The following PIK3C2G variants were observed in gnomAD, a reference collection of about 807,000 sequenced individuals.
PIK3C2G encodes phosphatidylinositol-4-phosphate 3-kinase catalytic subunit type 2 gamma, also known as phosphatidylinositol 3-kinase C2 domain-containing subunit gamma.
A neutral mutation model predicts 181.1 loss-of-function variants in PIK3C2G; 168 were observed. The ratio of observed to expected loss-of-function variants is 0.93; its 90% CI spans 0.82 to 1.05. The LOEUF (loss-of-function observed/expected upper bound fraction) is 1.05, where lower values mean the gene tolerates loss of function less well. Ranked by LOEUF, PIK3C2G falls within the 50% of genes least tolerant of loss-of-function variation. The probability of loss-of-function intolerance (pLI) is 0.00; values close to 1 mark genes in which losing one functional copy is unlikely to be tolerated. For synonymous variants in PIK3C2G, 573 were observed against 592.2 expected (o/e 0.97, Z 0.47); for missense variants, 1,869 against 1,732.8 (o/e 1.08, Z -1.40).
At chr12:18,380,598 A>G (rs1457040252) in intron 13 of PIK3C2G, among the ~76,000 whole-genome samples, 3 of 152,190 alleles carry the variant, frequency 2.0e-5, no homozygotes, top group Non-Finnish European at 4.4e-5. Flanking sequence ...TTGTTATACC[A>G]AGACAGATTT....
At chr12:18,396,209 A>T (rs944089453) in intron 15 of PIK3C2G, among the ~76,000 whole-genome samples, 2 of 151,618 alleles carry the variant, frequency 1.3e-5, no homozygotes, top group African/African-American at 2.4e-5. Flanking sequence ...CAATTAGATT[A>T]AACATTTTAT....
chr12:18,420,541 AT>A (rs1177005266), intron 16 of PIK3C2G, among the ~76,000 whole-genome samples: 3 of 152,164 alleles, frequency 2.0e-5, no homozygotes, highest in Non-Finnish European at 4.4e-5. Context: ...CTGGTTAAAA[AT>A]ATTAGATCAC....
Position 18,282,366 on chromosome 12 carries a change from A to G in PIK3C2G, c.285A>G (p.Glu95=). 6.2e-7 allele frequency: 1 copy of G among 1,613,584 alleles called. No individual in the cohort carries two copies. Among genetic ancestry groups the G allele is most frequent in the Non-Finnish European group, 8.5e-7 (1 of 1,179,690 alleles). The change falls in exon 2 of 33, where the codon GAA becomes GAG. Residue 95 remains glutamate (E), a synonymous_variant. Coordinates refer to ENST00000538779, the MANE Select transcript of PIK3C2G (RefSeq NM_001288772.2). ...SLNEFTSKSR[E]LSWHQVSKAP... ...ATGAATTCACTTCTAAAAGCCGTGA[A>G]CTCTCCTGGCATCAAGTTAGCAAAG...
intron 18 of PIK3C2G, among the ~76,000 whole-genome samples, chr12:18,473,962 T>G (rs989227364): frequency 2.0e-5 from 3 of 152,142 alleles, no homozygotes; most frequent in African/African-American, 7.2e-5. Flanking sequence ...AAAGTTTAAG[T>G]TTTTCATTGG....
chr12:18,631,554 A>C (rs1278147279), intron 31 of PIK3C2G, among the ~76,000 whole-genome samples: 2 of 152,198 alleles, frequency 1.3e-5, no homozygotes, highest in Non-Finnish European at 2.9e-5. Context: ...AAGCAGTCTT[A>C]TGGGAAGATT....
At chr12:18,374,613 C>T (rs148430203) in intron 13 of PIK3C2G, among the ~76,000 whole-genome samples, 10 of 152,250 alleles carry the variant, frequency 6.6e-5, no homozygotes, top group Non-Finnish European at 7.4e-5. Flanking sequence ...AGGTGCCATG[C>T]CTTACTCCAT....
At chr12:18,509,873 C>G (rs1165415744) in intron 24 of PIK3C2G, among the ~76,000 whole-genome samples, 3 of 152,154 alleles carry the variant, frequency 2.0e-5, no homozygotes, top group Admixed American at 1.3e-4. Flanking sequence ...CTTAATGATT[C>G]TGGGGAAAAT....
chr12:18,534,397 C>G (rs1172647547), intron 24 of PIK3C2G, among the ~76,000 whole-genome samples: 1 of 152,034 alleles, frequency 6.6e-6, no homozygotes, highest in East Asian at 1.9e-4. Context: ...AAAATAATCA[C>G]TCTCTGCATT....
chr12:18,611,579 A>T (rs556855394), intron 31 of PIK3C2G, among the ~76,000 whole-genome samples: 1 of 152,254 alleles, frequency 6.6e-6, no homozygotes, highest in African/African-American at 2.4e-5. Flanking sequence ...CAACTCTAGT[A>T]TAAGTATAAT....
chr12:18,492,658 C>A (rs1357857176), intron 20 of PIK3C2G, among the ~76,000 whole-genome samples: 3 of 152,208 alleles, frequency 2.0e-5, no homozygotes, highest in East Asian at 1.9e-4. Context: ...GTAGAAAGAA[C>A]AACAGGGATC....
the PIK3C2G span, among the ~76,000 whole-genome samples, chr12:18,718,581 A>T: frequency 6.6e-6 from 1 of 152,010 alleles, no homozygotes. Context: ...GTTTAACATG[A>T]CCTTCCCACT....
chr12:18,420,790 T>G (rs1316660931), intron 16 of PIK3C2G, 151 bp from the exon 17 acceptor site: 6 of 509,574 alleles, frequency 1.2e-5, no homozygotes, highest in African/African-American at 4.0e-5. Context: ...AAAATAAGAA[T>G]TATTTGGTGC....
rs1382727846 is a variant in PIK3C2G at position 18,488,554 on chromosome 12, C to T, written c.2610C>T (p.Ser870=). 6.3e-7 allele frequency: 1 copy of T among 1,589,640 alleles called. No individual in the cohort carries two copies. The highest frequency in any genetic ancestry group is 8.6e-7 in the Non-Finnish European group (1 of 1,167,414). Residue 870 remains serine, a synonymous_variant, in exon 19 of 33, where the codon TCC becomes TCT. Coordinates refer to ENST00000538779, the MANE Select transcript of PIK3C2G (RefSeq NM_001288772.2). ...GTAAAGCCTTGAATGATGAGTTTTC[C>T]AAGGAGCAGAAACTTATCAAAATTC... ...CAGKALNDEF[S]KEQKLIKILG...
intron 13 of PIK3C2G, among the ~76,000 whole-genome samples, chr12:18,376,006 G>A (rs916679245): frequency 2.6e-5 from 4 of 152,222 alleles, no homozygotes; most frequent in Non-Finnish European, 4.4e-5. Flanking sequence ...TGGAAAGCCC[G>A]GGTGCCCAGC....
At chr12:18,468,890 A>C (rs1938176198) in intron 18 of PIK3C2G, among the ~76,000 whole-genome samples, 1 of 152,094 alleles carries the variant, frequency 6.6e-6, no homozygotes. Flanking sequence ...GAGTCAAACC[A>C]TTGATGTGAA....
chr12:18,582,610 T>A (rs144372821), intron 29 of PIK3C2G, among the ~76,000 whole-genome samples: 239 of 152,250 alleles, frequency 1.6e-3, no homozygotes, highest in African/African-American at 5.5e-3. Flanking sequence ...AGCAATGGTG[T>A]GCAGGCTCCG....
At chr12:18,281,430 T>G (rs1209198416) in intron 1 of PIK3C2G, among the ~76,000 whole-genome samples, 2 of 152,022 alleles carry the variant, frequency 1.3e-5, no homozygotes, top group South Asian at 4.1e-4. Flanking sequence ...TGGAAAACTG[T>G]CTTTTGAATT....
chr12:18,399,841 C>T lies in PIK3C2G; in HGVS notation c.2309C>T (p.Thr770Ile), dbSNP rs746323681. Residue 770 changes from threonine to isoleucine, a missense_variant, in exon 16 of 33, where the codon ACT (threonine) becomes ATT (isoleucine). Coordinates refer to ENST00000538779, the MANE Select transcript of PIK3C2G (RefSeq NM_001288772.2). Reference sequence around the variant, plus strand: ...CCTTTAGAGGCTCTTGGGCTTTTGACTTCCAGGTAAGAATTGCATAACAAG... The same window carrying T: ...CCTTTAGAGGCTCTTGGGCTTTTGATTTCCAGGTAAGAATTGCATAACAAG... ...SQPLEALGLL[T>I]SSFPDQEIRK... The T allele has an allele frequency of 3.8e-6, 6 of 1,569,642 alleles. No homozygotes were observed. The highest frequency in any genetic ancestry group is 2.3e-5 in the East Asian group (1 of 44,332).
chr12:18,370,590 C>A (rs1941977618), intron 12 of PIK3C2G, among the ~76,000 whole-genome samples: 1 of 152,062 alleles, frequency 6.6e-6, no homozygotes, highest in African/African-American at 2.4e-5. Flanking sequence ...ATTCTTTTGC[C>A]TGGCATGTAG....
Sources: allele counts gnomAD v4.1 joint callset (sites outside exome capture counted in the v4.1 genomes callset), GRCh38; gene constraint gnomAD v4.1.1; transcripts MANE v1.5; gene names NCBI Gene and HGNC (gene_info 2026-07-23, HGNC 2026-07-21).